PCDH7: variants seen among roughly 807,000 people sequenced by gnomAD.
PCDH7 encodes the protein protocadherin-7.
PCDH7 carries 17 observed loss-of-function variants against 58.9 expected under a neutral mutation model. The observed-to-expected ratio is 0.29, with a 90% CI of 0.20 to 0.43. The LOEUF (loss-of-function observed/expected upper bound fraction) is 0.43, where lower values mean the gene tolerates loss of function less well. Ranked by LOEUF, PCDH7 falls within the 20% of genes least tolerant of loss-of-function variation. PCDH7 has a pLI of 1.00. For synonymous variants in PCDH7, 664 were observed against 616.4 expected (o/e 1.08, Z -1.14); for missense variants, 1,274 against 1,441.0 (o/e 0.88, Z 1.88).
intron 1 of PCDH7, among the ~76,000 whole-genome samples, chr4:30,896,092 A>G (rs11945622): frequency 0.14 from 20,554 of 152,182 alleles, 1,588 homozygotes; most frequent in African/African-American, 0.2. Context: ...GAACTCCATG[A>G]CATAACTACA....
chr4:31,064,786 C>G (rs1757952489), intron 3 of PCDH7, among the ~76,000 whole-genome samples: 2 of 151,972 alleles, frequency 1.3e-5, no homozygotes, highest in Admixed American at 6.6e-5. Context: ...TTCTGAATAA[C>G]AGCAAATTAT....
intron 3 of PCDH7, among the ~76,000 whole-genome samples, chr4:30,985,756 A>G (rs1249097980): frequency 6.6e-6 from 1 of 152,200 alleles, no homozygotes; most frequent in African/African-American, 2.4e-5. Flanking sequence ...TAAACCTATG[A>G]CTTAATCCTT....
intron 3 of PCDH7, among the ~76,000 whole-genome samples, chr4:31,049,182 ATGTTCCCC>A (rs773468243): frequency 6.6e-6 from 1 of 151,914 alleles, no homozygotes; most frequent in Non-Finnish European, 1.5e-5. Flanking sequence ...CCGGTGTGTG[ATGTTCCCC>A]TTCCTGTGTC....
At chr4:30,991,726 A>T (rs1751480389) in intron 3 of PCDH7, among the ~76,000 whole-genome samples, 1 of 152,088 alleles carries the variant, frequency 6.6e-6, no homozygotes, top group Non-Finnish European at 1.5e-5. Context: ...ATTCTAGATT[A>T]TTTTTCTTGG....
At chr4:30,788,129 A>G (rs772454115) in intron 1 of PCDH7, among the ~76,000 whole-genome samples, 5 of 152,104 alleles carry the variant, frequency 3.3e-5, no homozygotes, top group Non-Finnish European at 5.9e-5. Flanking sequence ...GTGCTATTAT[A>G]GAAAAAAATA....
downstream of PCDH7, chr4:31,144,196 C>G (rs1048371688): frequency 6.6e-6 from 1 of 152,148 alleles, no homozygotes; most frequent in Non-Finnish European, 1.5e-5. Flanking sequence ...TTTTGAGACT[C>G]ACAACATTGA....
chr4:30,897,787 T>C (rs1739643618), intron 1 of PCDH7, among the ~76,000 whole-genome samples: 1 of 152,246 alleles, frequency 6.6e-6, no homozygotes, highest in Admixed American at 6.5e-5. Flanking sequence ...AAATAGGTTG[T>C]ACTTTTTTGT....
chr4:30,930,605 A>T (rs1214330173), intron 2 of PCDH7, among the ~76,000 whole-genome samples: 2 of 152,164 alleles, frequency 1.3e-5, no homozygotes, highest in African/African-American at 4.8e-5. Context: ...AGGGAGAAGT[A>T]AGTTTCAGCG....
chr4:30,771,491 T>G (rs1415423557), intron 1 of PCDH7, among the ~76,000 whole-genome samples: 2 of 152,154 alleles, frequency 1.3e-5, no homozygotes, highest in African/African-American at 2.4e-5. Context: ...TCGTGGGGGC[T>G]GGGGGTTAGA....
intron 3 of PCDH7, among the ~76,000 whole-genome samples, chr4:31,116,048 A>G (rs1716945784): frequency 6.6e-6 from 1 of 152,174 alleles, no homozygotes; most frequent in South Asian, 2.1e-4. Context: ...ATCCCTGTCT[A>G]TATGCAGGTT....
intron 1 of PCDH7, among the ~76,000 whole-genome samples, chr4:30,764,525 C>T (rs2109271866): frequency 6.6e-6 from 1 of 152,252 alleles, no homozygotes; most frequent in Non-Finnish European, 1.5e-5. Context: ...ATTACCCAAA[C>T]ATGTGAAAAT....
chr4:30,934,135 A>G (rs926546464), intron 2 of PCDH7, among the ~76,000 whole-genome samples: 2 of 152,226 alleles, frequency 1.3e-5, no homozygotes, highest in Non-Finnish European at 2.9e-5. Flanking sequence ...TTCTCCCAGA[A>G]TAATGAAGAT....
intron 1 of PCDH7, among the ~76,000 whole-genome samples, chr4:30,808,529 T>C (rs991714331): frequency 1.3e-5 from 2 of 152,184 alleles, no homozygotes. Flanking sequence ...TCCTTTTTAA[T>C]GATATTTCTA....
At chr4:30,857,423 A>G (rs908224318) in intron 1 of PCDH7, among the ~76,000 whole-genome samples, 5 of 152,130 alleles carry the variant, frequency 3.3e-5, no homozygotes, top group African/African-American at 1.2e-4. Flanking sequence ...ATGTGGTTTC[A>G]GCAAGTTAAC....
At chr4:30,816,120 T>C (rs1355011086) in intron 1 of PCDH7, among the ~76,000 whole-genome samples, 1 of 152,236 alleles carries the variant, frequency 6.6e-6, no homozygotes, top group Non-Finnish European at 1.5e-5. Flanking sequence ...TGTTCATCCT[T>C]TTAAAATATC....
At chr4:30,901,135 C>T (rs1449719290) in intron 1 of PCDH7, among the ~76,000 whole-genome samples, 1 of 152,058 alleles carries the variant, frequency 6.6e-6, no homozygotes, top group Non-Finnish European at 1.5e-5. Flanking sequence ...CAGCCATTTT[C>T]ACAGAGTAAA....
intron 3 of PCDH7, among the ~76,000 whole-genome samples, chr4:31,048,706 T>G (rs147306305): frequency 0.024 from 3,572 of 151,894 alleles, 58 homozygotes; most frequent in Middle Eastern, 0.048. Context: ...CCACTAGTAC[T>G]GTTGAAAAGA....
chr4:31,122,093 G>T (rs189628331), intron 3 of PCDH7, among the ~76,000 whole-genome samples: 2 of 151,936 alleles, frequency 1.3e-5, no homozygotes, highest in African/African-American at 2.4e-5. Flanking sequence ...TGGACACACC[G>T]TGAGCAGCAT....
intron 1 of PCDH7, among the ~76,000 whole-genome samples, chr4:30,781,778 C>T (rs980045030): frequency 7.9e-5 from 12 of 152,122 alleles, no homozygotes; most frequent in East Asian, 3.9e-4. Flanking sequence ...TCAGGTGATC[C>T]GCCCGCCTCA....
Sources: gnomAD v4.1 joint callset for allele counts (sites outside exome capture counted in the v4.1 genomes callset) on GRCh38, gnomAD v4.1.1 for gene constraint, MANE v1.5 for transcripts, NCBI Gene and HGNC (gene_info 2026-07-23, HGNC 2026-07-21) for gene names.